ESR2: variants seen among roughly 807,000 people sequenced by gnomAD.
ESR2 encodes estrogen receptor beta.
A neutral mutation model predicts 49.6 loss-of-function variants in ESR2; 36 were observed. The ratio of observed to expected loss-of-function variants is 0.73; its 90% CI spans 0.56 to 0.96. The LOEUF is 0.96. Among genes scored for constraint, ESR2 ranks in the 40% least tolerant of loss-of-function variants. The probability of loss-of-function intolerance (pLI) is 0.00; values close to 1 mark genes in which losing one functional copy is unlikely to be tolerated. For synonymous variants in ESR2, 320 were observed against 266.1 expected (o/e 1.20, Z -1.97); for missense variants, 714 against 693.0 (o/e 1.03, Z -0.34).
At chr14:64,245,020 G>T (rs2075818354) in intron 7 of ESR2, among the ~76,000 whole-genome samples, 1 of 152,080 alleles carries the variant, frequency 6.6e-6, no homozygotes, top group African/African-American at 2.4e-5. Flanking sequence ...AAATTTTAAG[G>T]CGGGGAGGCA....
chr14:64,253,252 G>C (rs997403878), intron 6 of ESR2, among the ~76,000 whole-genome samples: 2 of 151,216 alleles, frequency 1.3e-5, no homozygotes, highest in Non-Finnish European at 2.9e-5. Flanking sequence ...GTGCAATGAC[G>C]TGATCTTGGC....
chr14:64,250,713 C>A (rs1161581694), intron 6 of ESR2, among the ~76,000 whole-genome samples: 6 of 152,222 alleles, frequency 3.9e-5, no homozygotes, highest in Non-Finnish European at 7.3e-5. Context: ...TGCTCCCCTC[C>A]TCCTTCCCCG....
chr14:64,267,529 T>A (rs184968528), intron 4 of ESR2, among the ~76,000 whole-genome samples: 1 of 152,072 alleles, frequency 6.6e-6, no homozygotes, highest in African/African-American at 2.4e-5. Flanking sequence ...ATCTGTTACA[T>A]ACACAGAGAA....
intron 1 of ESR2, among the ~76,000 whole-genome samples, chr14:64,311,828 A>T (rs369450697): frequency 6.6e-6 from 1 of 151,968 alleles, no homozygotes; most frequent in African/African-American, 2.4e-5. Flanking sequence ...AAACAAAAAC[A>T]AAAACAAAAA....
chr14:64,276,680 A>G (rs2076564271), intron 3 of ESR2, among the ~76,000 whole-genome samples: 1 of 152,236 alleles, frequency 6.6e-6, no homozygotes, highest in Non-Finnish European at 1.5e-5. Context: ...GCATTAAAAC[A>G]ATGAAAATAA....
chr14:64,291,179 A>G (rs2076864972), intron 1 of ESR2, among the ~76,000 whole-genome samples: 1 of 152,042 alleles, frequency 6.6e-6, no homozygotes, highest in East Asian at 1.9e-4. Flanking sequence ...AATGCACTCA[A>G]CTCCCCTTCC....
At chr14:64,258,311 G>T (rs976977437) in intron 5 of ESR2, among the ~76,000 whole-genome samples, 1 of 152,160 alleles carries the variant, frequency 6.6e-6, no homozygotes, top group African/African-American at 2.4e-5. Context: ...TTGCAAACAG[G>T]TAATCTCTGG....
chr14:64,324,130 G>A (rs914820550), intron 1 of ESR2, among the ~76,000 whole-genome samples: 24 of 152,172 alleles, frequency 1.6e-4, no homozygotes, highest in African/African-American at 5.1e-4. Context: ...GATCTGCACC[G>A]CGCCGCCTGG....
chr14:64,316,357 G>A (rs28871406), intron 1 of ESR2, among the ~76,000 whole-genome samples: 229 of 151,930 alleles, frequency 1.5e-3, no homozygotes, highest in African/African-American at 5.2e-3. Flanking sequence ...CTCCATATCC[G>A]GATGGTCTCA....
chr14:64,234,711 GC>G lies in ESR2; in HGVS notation c.1406+258del, dbSNP rs1567727339. ...GCCCCTTTTAGGACTCCATAAACAGGCTATAAACCCCAGCAATTGAAAAACC... is the reference window on the plus strand; with the variant it reads ...GCCCCTTTTAGGACTCCATAAACAGGTATAAACCCCAGCAATTGAAAAACC... On this transcript the variant is annotated intron_variant, in intron 8 of 8. Transcript: ENST00000341099. The G allele has an allele frequency of 4.3e-6, 3 of 697,370 alleles. No homozygotes were observed. In the African/African-American group the frequency reaches 5.4e-5, roughly 13 times the overall value. 43.2% of individuals were successfully genotyped at this position (697,370 alleles called of 1,614,324 possible). A position where few individuals can be genotyped will look rare whatever the true frequency, so the allele number is the denominator to read the frequency against.
intron 6 of ESR2, among the ~76,000 whole-genome samples, chr14:64,251,412 T>TAC (rs111881046): frequency 0.099 from 14,826 of 149,330 alleles, 964 homozygotes; most frequent in African/African-American, 0.2. Context: ...GCACAATACA[T>TAC]ACACACACAC....
intron 6 of ESR2, among the ~76,000 whole-genome samples, chr14:64,256,682 T>C (rs971608926): frequency 1.3e-5 from 2 of 151,728 alleles, no homozygotes; most frequent in African/African-American, 4.8e-5. Flanking sequence ...TGAGCCAAGA[T>C]TGCACCTCTG....
At position 64,257,350 on chromosome 14, in the gene ESR2, T is replaced by C. The variant is rs778333818; in HGVS notation, c.967A>G (p.Ser323Gly). 6.2e-7 allele frequency: 1 copy of C among 1,612,996 alleles called. No homozygotes were observed. The highest frequency in any genetic ancestry group is 1.1e-5 in the South Asian group (1 of 91,034). The change falls in exon 6 of 9, where the codon AGC becomes GGC. Residue 323 changes from serine to glycine, a missense_variant. By Grantham distance (56) the Ser-to-Gly change is moderately conservative. Coordinates refer to ENST00000341099, the MANE Select transcript of ESR2 (RefSeq NM_001437.3). ...AAGAGCCGCACTTGGTCGAACAGGC[T>C]GAGCTCCACAAAGCCTGGGGAAAGC... ...AKKIPGFVEL[S>G]LFDQVRLLES... is the part of the protein sequence containing the mutation.
intron 3 of ESR2, among the ~76,000 whole-genome samples, chr14:64,274,886 T>C (rs1369902302): frequency 6.6e-6 from 1 of 152,230 alleles, no homozygotes; most frequent in Non-Finnish European, 1.5e-5. Context: ...GTATATGGTT[T>C]AATTTCCATG....
At position 64,230,134 on chromosome 14, in the gene ESR2, C is replaced by T. The variant is rs2098725853; in HGVS notation, c.*3003G>A. Among the ~76,000 whole-genome samples the T allele has an allele frequency of 6.7e-6, 1 of 150,318 alleles. No individual in the cohort carries two copies. Among genetic ancestry groups the T allele is most frequent in the Non-Finnish European group, 1.5e-5 (1 of 67,836 alleles). On this transcript the variant is annotated 3_prime_UTR_variant, in exon 9 of 9. Coordinates refer to ENST00000341099, the MANE Select transcript of ESR2 (RefSeq NM_001437.3). ...ATCGCTTGAGCCCAGGAGGTCGAGG[C>T]TGCAGTGAGCCATGATGGCGCCACT...
intron 7 of ESR2, among the ~76,000 whole-genome samples, chr14:64,237,504 G>C (rs987269840): frequency 2.0e-5 from 3 of 152,142 alleles, no homozygotes; most frequent in Non-Finnish European, 4.4e-5. Context: ...ACTATGTCTG[G>C]GAATTCCAAA....
intron 1 of ESR2, among the ~76,000 whole-genome samples, chr14:64,316,299 C>T (rs28811117): frequency 0.045 from 6,762 of 151,944 alleles, 313 homozygotes; most frequent in African/African-American, 0.12. Context: ...GCATGAGCCA[C>T]AGTGCCCAGC....
chr14:64,244,322 C>T (rs2075803178), intron 7 of ESR2, among the ~76,000 whole-genome samples: 1 of 151,824 alleles, frequency 6.6e-6, no homozygotes, highest in Non-Finnish European at 1.5e-5. Flanking sequence ...ATCGCTTGAA[C>T]CCAGAAGGTG....
intron 4 of ESR2, among the ~76,000 whole-genome samples, chr14:64,265,438 A>G (rs1399919849): frequency 6.6e-6 from 1 of 152,228 alleles, no homozygotes; most frequent in South Asian, 2.1e-4. Context: ...TAACTTGTCT[A>G]AGATGGCACA....
Sources: gnomAD v4.1 joint callset for allele counts (sites outside exome capture counted in the v4.1 genomes callset) on GRCh38, gnomAD v4.1.1 for gene constraint, MANE v1.5 for transcripts, NCBI Gene and HGNC (gene_info 2026-07-23, HGNC 2026-07-21) for gene names.